Variants in SYNE1 observed in about 807,000 individuals in gnomAD.
SYNE1 encodes nesprin-1.
Under a neutral mutation model 1,111.0 loss-of-function variants are expected in SYNE1, and 616 were observed. The ratio of observed to expected loss-of-function variants is 0.55; its 90% CI spans 0.52 to 0.59. The LOEUF is 0.59. SYNE1 is among the 20% of genes least tolerant of loss of function. The probability of loss-of-function intolerance (pLI) is 0.00; values close to 1 mark genes in which losing one functional copy is unlikely to be tolerated. For missense variants in SYNE1, 10,006 were observed against 10,417.0 expected, an observed-to-expected ratio of 0.96 and a Z score of 1.72; for synonymous variants, 3,855 against 3,825.8, an observed-to-expected ratio of 1.01 and a Z score of -0.28.
rs574022868 is a variant in SYNE1, at chr6:152,179,000, A to AC, written c.23460+1135_23460+1136insG. On this transcript the variant is annotated intron_variant, in intron 129 of 145. Transcript: ENST00000367255. Reference sequence around the variant, plus strand: ...ACAATCTCGGCTCACTGCAACCTCCATCTCCTGGGTTCAAGTGATTCTCTT... The same window carrying AC: ...ACAATCTCGGCTCACTGCAACCTCCACTCTCCTGGGTTCAAGTGATTCTCTT... Among the ~76,000 whole-genome samples the AC allele has an allele frequency of 1.7e-3, 237 of 141,608 alleles. 1 individual carries two copies. The highest frequency in any genetic ancestry group is 5.9e-3 in the African/African-American group (217 of 36,864). 92.9% of individuals were successfully genotyped at this position (141,608 alleles called of 152,430 possible).
intron 58 of SYNE1, among the ~76,000 whole-genome samples, chr6:152,373,927 C>T (rs1040998633): frequency 6.6e-6 from 1 of 152,170 alleles, no homozygotes; most frequent in Non-Finnish European, 1.5e-5. Flanking sequence ...AAAGAGTAAA[C>T]ACAACCAGGG....
chr6:152,560,426 G>A (rs1023134866), intron 3 of SYNE1, among the ~76,000 whole-genome samples: 2 of 151,388 alleles, frequency 1.3e-5, no homozygotes, highest in Non-Finnish European at 2.9e-5. Context: ...TAATGAGGAA[G>A]GAGATTGAAG....
chr6:152,205,248 G>A (rs910244320), intron 126 of SYNE1, among the ~76,000 whole-genome samples: 2 of 151,924 alleles, frequency 1.3e-5, no homozygotes, highest in African/African-American at 4.8e-5. Flanking sequence ...TGAAGTGTTG[G>A]TGATTATCAA....
chr6:152,250,940 A>C (rs977018225), intron 104 of SYNE1, among the ~76,000 whole-genome samples: 31 of 152,072 alleles, frequency 2.0e-4, no homozygotes, highest in Admixed American at 1.8e-3. Flanking sequence ...CCTGTATGCC[A>C]GTTTTATGCT....
chr6:152,196,917 C>G (rs2074267942), intron 127 of SYNE1, among the ~76,000 whole-genome samples: 1 of 152,094 alleles, frequency 6.6e-6, no homozygotes. Flanking sequence ...GCATTTTAGC[C>G]CATGGTAGCA....
intron 107 of SYNE1, 143 bp from the exon 108 acceptor site, chr6:152,239,849 A>T: frequency 1.2e-6 from 1 of 842,926 alleles, no homozygotes; most frequent in Non-Finnish European, 1.9e-6. Context: ...ACCTGAGGTC[A>T]AGAGCTCAAG....
Position 152,153,187 on chromosome 6 carries a change from T to C in SYNE1, c.24130-1046A>G, listed in dbSNP as rs116088046. ...CCTTGTGAGAGCTGCTTTCAGAGCCTTCATCCTAGGAAATCCTAGCTTCCA... is the reference window on the plus strand; with the variant it reads ...CCTTGTGAGAGCTGCTTTCAGAGCCCTCATCCTAGGAAATCCTAGCTTCCA... On this transcript the variant is annotated intron_variant, in intron 133 of 145. Coordinates refer to ENST00000367255, the MANE Select transcript of SYNE1 (RefSeq NM_182961.4). Among the ~76,000 whole-genome samples the C allele has an allele frequency of 5.0e-3, 757 of 152,348 alleles. 7 individuals are homozygous for C. The highest frequency in any genetic ancestry group is 0.017 in the African/African-American group (719 of 41,584).
intron 130 of SYNE1, among the ~76,000 whole-genome samples, chr6:152,173,413 A>T (rs2065674458): frequency 6.6e-6 from 1 of 152,240 alleles, no homozygotes; most frequent in Admixed American, 6.5e-5. Context: ...TACAGGACAG[A>T]AATGTCGAAA....
chr6:152,462,369 T>C (rs2098739314), intron 20 of SYNE1, among the ~76,000 whole-genome samples: 1 of 152,216 alleles, frequency 6.6e-6, no homozygotes, highest in Non-Finnish European at 1.5e-5. Context: ...ACTTCATTTG[T>C]GAGAGCTGCA....
At chr6:152,482,767 A>G (rs1232760225) in intron 14 of SYNE1, among the ~76,000 whole-genome samples, 1 of 152,152 alleles carries the variant, frequency 6.6e-6, no homozygotes, top group Non-Finnish European at 1.5e-5. Context: ...GGCCGGCCAC[A>G]TTATTATGTA....
At chr6:152,439,466 C>A (rs2098507640) in intron 32 of SYNE1, among the ~76,000 whole-genome samples, 1 of 152,156 alleles carries the variant, frequency 6.6e-6, no homozygotes, top group Admixed American at 6.5e-5. Flanking sequence ...TGGCCTCAAG[C>A]AATCCTCCCA....
chr6:152,202,737 C>T (rs945085148), intron 126 of SYNE1, among the ~76,000 whole-genome samples: 2 of 152,008 alleles, frequency 1.3e-5, no homozygotes, highest in South Asian at 4.2e-4. Context: ...ATAACTACAC[C>T]CAATGTCTAC....
Position 152,347,250 on chromosome 6 carries a change from C to T in SYNE1, c.11902-15G>A, listed in dbSNP as rs777796940. ...TCCATCATTGCCTGCAAAAGTGAAA[C>T]CAATACAGAGTTTTCAGAATTCTAC... On this transcript the variant is annotated splice_polypyrimidine_tract_variant and intron_variant, in intron 72 of 145. Coordinates refer to ENST00000367255, the MANE Select transcript of SYNE1 (RefSeq NM_182961.4). The T allele has an allele frequency of 1.4e-5, 23 of 1,614,074 alleles. No individual in the cohort carries two copies. Among genetic ancestry groups the T allele is most frequent in the Middle Eastern group, 3.3e-4 (2 of 6,062 alleles).
At chr6:152,566,286 A>G (rs747775582) in intron 3 of SYNE1, among the ~76,000 whole-genome samples, 8 of 152,108 alleles carry the variant, frequency 5.3e-5, no homozygotes, top group Non-Finnish European at 1.2e-4. Context: ...TGAGAAAAAC[A>G]TGTTCTCGCT....
chr6:152,438,025 A>C (rs1251210507), intron 32 of SYNE1, among the ~76,000 whole-genome samples: 3 of 152,238 alleles, frequency 2.0e-5, no homozygotes, highest in Non-Finnish European at 4.4e-5. Flanking sequence ...AAAAAGAAGA[A>C]GAAAAAATCA....
chr6:152,570,151 T>G (rs1162779712), intron 3 of SYNE1, among the ~76,000 whole-genome samples: 3 of 152,240 alleles, frequency 2.0e-5, no homozygotes, highest in Admixed American at 1.3e-4. Flanking sequence ...TAGATCATTA[T>G]GAAATCACAG....
At chr6:152,364,801 T>A in intron 63 of SYNE1, 46 bp downstream of exon 63, 2 of 1,613,464 alleles carry the variant, frequency 1.2e-6, no homozygotes, top group Non-Finnish European at 1.7e-6. Flanking sequence ...ATTATATTGA[T>A]CTTTTAGTAA....
intron 56 of SYNE1, among the ~76,000 whole-genome samples, chr6:152,378,788 G>A (rs2154109997): frequency 6.6e-6 from 1 of 152,268 alleles, no homozygotes; most frequent in South Asian, 2.1e-4. Flanking sequence ...AGGATACACA[G>A]GACCTTGCAG....
At chr6:152,389,124 T>C (rs1230147646) in intron 53 of SYNE1, among the ~76,000 whole-genome samples, 1 of 152,108 alleles carries the variant, frequency 6.6e-6, no homozygotes, top group African/African-American at 2.4e-5. Flanking sequence ...AACCAGGGAT[T>C]TTTGTTCACA....
Sources: gnomAD v4.1 joint callset for allele counts (sites outside exome capture counted in the v4.1 genomes callset) on GRCh38, gnomAD v4.1.1 for gene constraint, MANE v1.5 for transcripts, NCBI Gene and HGNC (gene_info 2026-07-23, HGNC 2026-07-21) for gene names.